The following PKHD1 variants were observed in gnomAD, a reference collection of about 807,000 sequenced individuals.
PKHD1 encodes the protein fibrocystin.
In PKHD1, 291 loss-of-function variants were observed where a neutral mutation model predicts 412.0. That is an observed-to-expected ratio of 0.71 (90% CI 0.64 to 0.78). PKHD1 has a LOEUF of 0.78. PKHD1 is among the 30% of genes least tolerant of loss of function. The pLI, the probability that PKHD1 is intolerant of heterozygous loss-of-function variation, is 0.00. For missense variants in PKHD1, 4,825 were observed against 4,950.7 expected, an observed-to-expected ratio of 0.97 and a Z score of 0.76; for synonymous variants, 1,777 against 1,821.5, an observed-to-expected ratio of 0.98 and a Z score of 0.62.
intron 27 of PKHD1, among the ~76,000 whole-genome samples, chr6:52,041,221 T>G (rs748662458): frequency 6.6e-6 from 1 of 152,260 alleles, no homozygotes; most frequent in Non-Finnish European, 1.5e-5. Context: ...GCAAATATTC[T>G]GTAAATTTCT....
At chr6:51,894,562 G>A (rs988107782) in intron 43 of PKHD1, among the ~76,000 whole-genome samples, 14 of 152,260 alleles carry the variant, frequency 9.2e-5, no homozygotes, top group African/African-American at 3.1e-4. Context: ...GTGGCTGAGA[G>A]TTTGGTCCCA....
chr6:51,660,037 A>T (rs150301500), intron 60 of PKHD1, 68 bp from the exon 61 acceptor site: 1 of 967,354 alleles, frequency 1.0e-6, no homozygotes, highest in Non-Finnish European at 1.6e-6. Context: ...TTTGTAATCC[A>T]TCACTCTTGC....
intron 35 of PKHD1, among the ~76,000 whole-genome samples, chr6:52,009,489 G>T (rs1018172231): frequency 6.6e-6 from 1 of 152,150 alleles, no homozygotes; most frequent in Admixed American, 6.5e-5. Context: ...ATAAATGTTT[G>T]TTCCAAATAA....
chr6:51,800,797 T>C (rs1425616280), intron 52 of PKHD1, among the ~76,000 whole-genome samples: 1 of 152,188 alleles, frequency 6.6e-6, no homozygotes, highest in Non-Finnish European at 1.5e-5. Context: ...AGACAGTTTC[T>C]ATTACAACCC....
intron 29 of PKHD1, among the ~76,000 whole-genome samples, chr6:52,032,692 T>A (rs1803242582): frequency 6.6e-6 from 1 of 152,180 alleles, no homozygotes; most frequent in African/African-American, 2.4e-5. Context: ...ATCCTATAAA[T>A]TAGGGGCAAG....
chr6:51,920,839 GT>G (rs1178650896), intron 37 of PKHD1, among the ~76,000 whole-genome samples: 2 of 152,046 alleles, frequency 1.3e-5, no homozygotes, highest in African/African-American at 2.4e-5. Flanking sequence ...CTTCTTCCTG[GT>G]TTAGTCTTGG....
chr6:51,860,927 T>G (rs1408916177), intron 48 of PKHD1, among the ~76,000 whole-genome samples: 1 of 152,126 alleles, frequency 6.6e-6, no homozygotes, highest in East Asian at 1.9e-4. Context: ...TTCTCCTGCC[T>G]CAGACTCCTG....
At chr6:51,946,873 A>T (rs1473363126) in intron 36 of PKHD1, among the ~76,000 whole-genome samples, 1 of 152,232 alleles carries the variant, frequency 6.6e-6, no homozygotes, top group East Asian at 1.9e-4. Flanking sequence ...AAGTACATCA[A>T]AATCTGCTTT....
rs542488642 is a variant in PKHD1, at chr6:51,893,268, C to T, written c.6997-6023G>A. Among the ~76,000 whole-genome samples, 18 of 152,286 alleles carry T rather than the reference C, an allele frequency of 1.2e-4. 1 individual carries two copies. In the South Asian group the frequency reaches 2.9e-3, roughly 25 times the overall value. On this transcript the variant is annotated intron_variant, in intron 43 of 66. Coordinates refer to ENST00000371117, the MANE Select transcript of PKHD1 (RefSeq NM_138694.4). Reference sequence around the variant, plus strand: ...AAAAATATATTCCAAGGACTGCATCCTTATTCATCACCTTTGCCAGCACAG... The same window carrying T: ...AAAAATATATTCCAAGGACTGCATCTTTATTCATCACCTTTGCCAGCACAG...
At chr6:51,811,244 C>T (rs1052142820) in intron 52 of PKHD1, among the ~76,000 whole-genome samples, 1 of 152,080 alleles carries the variant, frequency 6.6e-6, no homozygotes, top group Non-Finnish European at 1.5e-5. Context: ...GCTATGAATT[C>T]ACTTTAAGAT....
chr6:51,935,700 C>T (rs1157801232), intron 36 of PKHD1, among the ~76,000 whole-genome samples: 1 of 152,234 alleles, frequency 6.6e-6, no homozygotes, highest in Non-Finnish European at 1.5e-5. Context: ...CTAAAGCTCA[C>T]CTGTTCACAC....
chr6:52,065,991 G>A lies in PKHD1; in HGVS notation c.865C>T (p.Gln289Ter), dbSNP rs2128223979. ...TCATAGTTACCTGCAATGGTAACCTGGGCAGAATTGTCAAAAAAGTCTCCT... is the reference window on the plus strand; with the variant it reads ...TCATAGTTACCTGCAATGGTAACCTAGGCAGAATTGTCAAAAAAGTCTCCT... ...ITGDFFDNSA[Q>*]VTIAGIPCDI... is the part of the protein sequence containing the mutation. The change falls in exon 12 of 67, where the codon CAG (glutamine) becomes TAG (stop). Residue 289 changes from glutamine to a stop codon, truncating the protein, a stop_gained. Coordinates refer to ENST00000371117, the MANE Select transcript of PKHD1 (RefSeq NM_138694.4). LOFTEE classifies it high-confidence loss of function. The A allele has an allele frequency of 6.4e-7, 1 of 1,558,680 alleles. No individual in the cohort carries two copies. Among genetic ancestry groups the A allele is most frequent in the East Asian group, 2.2e-5 (1 of 44,608 alleles).
rs2150981332 is a variant in PKHD1 at position 51,747,877 on chromosome 6, C to G, written c.9739G>C (p.Val3247Leu). The G allele has an allele frequency of 6.2e-7, 1 of 1,613,550 alleles. No individual in the cohort carries two copies. The change falls in exon 58 of 67, where the codon GTA becomes CTA. Residue 3247 changes from valine to leucine, a missense_variant. Coordinates refer to ENST00000371117, the MANE Select transcript of PKHD1 (RefSeq NM_138694.4). ...RGGRIGILWP[V>L]FTSEPNQWPQ... ...CACTGATTTGGTTCTGAGGTGAATA[C>G]AGGCCACAGAATACCAATTCGACCT...
chr6:52,000,619 G>C (rs1798254585), intron 35 of PKHD1, among the ~76,000 whole-genome samples: 1 of 152,112 alleles, frequency 6.6e-6, no homozygotes. Flanking sequence ...GGCTAATAAA[G>C]CTCGCGGTTT....
At chr6:51,882,229 C>A (rs116504309) in intron 46 of PKHD1, among the ~76,000 whole-genome samples, 90 of 152,184 alleles carry the variant, frequency 5.9e-4, no homozygotes, top group African/African-American at 2.1e-3. Flanking sequence ...AGAATCATCT[C>A]TCAAGGTGGT....
In PKHD1 at chr6:52,054,079, A is replaced by G; in HGVS notation, c.1923T>C (p.Asn641=). The part of the protein sequence containing the change: ...FTIGFQNMVK[N]TTCDWSLTRT... ...TCGTGAGACTCCAGTCACAGGTGGT[A>G]TTCTTTACCATGTTTTGAAAGCCGA... is the stretch of plus-strand genomic sequence containing the variant. The change falls in exon 20 of 67, where the codon AAT becomes AAC. Residue 641 remains asparagine (N), a synonymous_variant. Coordinates refer to ENST00000371117, the MANE Select transcript of PKHD1 (RefSeq NM_138694.4). The G allele has an allele frequency of 6.2e-7, 1 of 1,613,984 alleles. No individual in the cohort carries two copies. Among genetic ancestry groups the G allele is most frequent in the Non-Finnish European group, 8.5e-7 (1 of 1,179,866 alleles).
intron 60 of PKHD1, among the ~76,000 whole-genome samples, chr6:51,727,022 G>C (rs1412243440): frequency 5.3e-5 from 8 of 152,120 alleles, no homozygotes; most frequent in Non-Finnish European, 1.2e-4. Context: ...CAAAGCATGA[G>C]AGGCACACAA....
At chr6:51,777,304 C>A (rs563196807) in intron 53 of PKHD1, among the ~76,000 whole-genome samples, 1 of 152,184 alleles carries the variant, frequency 6.6e-6, no homozygotes, top group African/African-American at 2.4e-5. Context: ...TGCTACATAC[C>A]TATTTTTATA....
intron 60 of PKHD1, among the ~76,000 whole-genome samples, chr6:51,741,486 T>C (rs1049723130): frequency 9.2e-5 from 14 of 152,240 alleles, no homozygotes; most frequent in Middle Eastern, 3.4e-3. Context: ...GGAGAGTTAA[T>C]GTCCCCAAAG....
Sources: allele counts gnomAD v4.1 joint callset (sites outside exome capture counted in the v4.1 genomes callset), GRCh38; gene constraint gnomAD v4.1.1; transcripts MANE v1.5; gene names NCBI Gene and HGNC (gene_info 2026-07-23, HGNC 2026-07-21).